The following NXF1 variants were observed in gnomAD, a reference collection of about 807,000 sequenced individuals.
The protein encoded by NXF1 is nuclear RNA export factor 1, also known as mRNA export factor TAP.
A neutral mutation model predicts 92.4 loss-of-function variants in NXF1; 43 were observed. The ratio of observed to expected loss-of-function variants is 0.47; its 90% CI spans 0.36 to 0.60. The LOEUF is 0.60. Among genes scored for constraint, NXF1 ranks in the 20% least tolerant of loss-of-function variants. The pLI, the probability that NXF1 is intolerant of heterozygous loss-of-function variation, is 0.00. For synonymous variants in NXF1, 288 were observed against 292.2 expected (o/e 0.99, Z 0.15); for missense variants, 576 against 793.0 (o/e 0.73, Z 3.29).
At chr11:62,804,800 G>T (rs1005965400) in intron 1 of NXF1, among the ~76,000 whole-genome samples, 1 of 152,120 alleles carries the variant, frequency 6.6e-6, no homozygotes, top group Non-Finnish European at 1.5e-5. Context: ...CCACATTAAG[G>T]GGGTGGAAAA....
intron 3 of NXF1, among the ~76,000 whole-genome samples, chr11:62,803,124 G>T (rs776700782): frequency 6.6e-5 from 10 of 152,064 alleles, no homozygotes; most frequent in Non-Finnish European, 1.2e-4. Context: ...TTCGAGACCA[G>T]CCTGGCCAAT....
chr11:62,796,983 C>G (rs2084427483), intron 13 of NXF1, 200 bp downstream of exon 13: 2 of 588,854 alleles, frequency 3.4e-6, no homozygotes, highest in Admixed American at 6.0e-5. Flanking sequence ...AGGAGAATCA[C>G]TTGAACCCTG....
chr11:62,803,397 T>G, intron 3 of NXF1, 22 bp downstream of exon 3: 1 of 1,610,164 alleles, frequency 6.2e-7, no homozygotes, highest in Non-Finnish European at 8.5e-7. Context: ...TACTGTACCA[T>G]CTACTTTCTC....
intron 19 of NXF1, 115 bp from the exon 20 acceptor site, chr11:62,792,816 C>T: frequency 2.4e-6 from 2 of 819,018 alleles, no homozygotes; most frequent in Non-Finnish European, 4.1e-6. Flanking sequence ...CTTATACATC[C>T]TTGCACTATT....
Position 62,802,176 on chromosome 11 carries a change from C to G in NXF1, c.453+1G>C. On this transcript the variant is annotated splice_donor_variant, in intron 4 of 20. Transcript: ENST00000294172. LOFTEE classifies it high-confidence loss of function. Reference sequence around the variant, plus strand: ...AGCCAGCCACTCAGGCCTTGTCTTACCTCAATAGGGGTGAAGGGCACACTG... The same window carrying G: ...AGCCAGCCACTCAGGCCTTGTCTTAGCTCAATAGGGGTGAAGGGCACACTG... The G allele has an allele frequency of 6.2e-7, 1 of 1,614,150 alleles. No individual in the cohort carries two copies. Among genetic ancestry groups the G allele is most frequent in the Non-Finnish European group, 8.5e-7 (1 of 1,179,970 alleles).
intron 5 of NXF1, 61 bp from the exon 6 acceptor site, chr11:62,801,880 A>G: frequency 6.2e-7 from 1 of 1,601,112 alleles, no homozygotes; most frequent in Non-Finnish European, 8.6e-7. Context: ...CAAGAACAAG[A>G]CCCAGTCCCT....
intron 2 of NXF1, 104 bp downstream of exon 2, chr11:62,803,688 G>A (rs1203930018): frequency 2.6e-6 from 4 of 1,535,976 alleles, no homozygotes; most frequent in Non-Finnish European, 3.6e-6. Flanking sequence ...GCTAGTCCTG[G>A]CATTTCTCAC....
chr11:62,801,254 C>T (rs894917552), intron 8 of NXF1, 53 bp from the exon 9 acceptor site: 13 of 1,604,216 alleles, frequency 8.1e-6, no homozygotes, highest in East Asian at 4.5e-5. Flanking sequence ...GGATCAGAGA[C>T]GAATCTGCCC....
At chr11:62,804,145 G>C in intron 1 of NXF1, 167 bp from the exon 2 acceptor site, 4 of 1,542,944 alleles carry the variant, frequency 2.6e-6, no homozygotes, top group Non-Finnish European at 2.6e-6. Context: ...CCCTCTCTGT[G>C]GGAGGGCAGC....
At chr11:62,804,170 A>C in intron 1 of NXF1, 192 bp from the exon 2 acceptor site, 1 of 1,531,560 alleles carries the variant, frequency 6.5e-7, no homozygotes, top group East Asian at 2.5e-5. Flanking sequence ...GGGAAAAGTT[A>C]CTGGAAAACT....
Position 62,803,931 on chromosome 11 carries a change from G to A in NXF1, c.76C>T (p.Arg26Trp). The A allele has an allele frequency of 3.1e-6, 5 of 1,614,082 alleles. No homozygotes were observed. The highest frequency in any genetic ancestry group is 3.4e-6 in the Non-Finnish European group (4 of 1,180,022). The change falls in exon 2 of 21, where the codon CGG (arginine) becomes TGG (tryptophan). Residue 26 changes from arginine (R) to tryptophan (W), a missense_variant. This residue lies in a region of NXF1 where 151 missense variants were observed against 157.8 expected (regional missense o/e 0.96). Transcript: ENST00000294172. The stretch of plus-strand genomic sequence containing the variant: ...CCATATTTCCACCGGAAGGGACCCC[G>A]GCCTTTCTTCTTTCTTTGAGGGAAA... ...VNFPQRKKKG[R>W]GPFRWKYGEG... is the part of the protein sequence containing the mutation.
intron 14 of NXF1, 29 bp from the exon 15 acceptor site, chr11:62,796,374 G>A (rs1459591416): frequency 3.1e-6 from 5 of 1,613,802 alleles, no homozygotes; most frequent in Admixed American, 3.3e-5. Flanking sequence ...TGGACGTGGT[G>A]TTCAGAGCAG....
Position 62,801,815 on chromosome 11 carries a change from G to A in NXF1, c.563C>T (p.Ser188Phe). The A allele has an allele frequency of 6.2e-7, 1 of 1,613,306 alleles. No individual in the cohort carries two copies. The highest frequency in any genetic ancestry group is 8.5e-7 in the Non-Finnish European group (1 of 1,179,460). ...KILDRENRRI[S>F]IIINSSAPPH... ...TGGAGCAGAAGAGTTGATGATGATAGATATCTGGAGGGAAGACACAGAGGG... is the reference window on the plus strand; with the variant it reads ...TGGAGCAGAAGAGTTGATGATGATAAATATCTGGAGGGAAGACACAGAGGG... The change falls in exon 6 of 21, where the codon TCT (serine) becomes TTT (phenylalanine). Residue 188 changes from serine to phenylalanine, a missense_variant. Ser to Phe is a radical substitution (Grantham distance 155, BLOSUM62 -2). Transcript: ENST00000294172.
At position 62,805,366 on chromosome 11, in the gene NXF1, A is replaced by T; in HGVS notation, c.-10T>A. 2.5e-6 allele frequency: 4 copies of T among 1,611,408 alleles called. No individual in the cohort carries two copies. The highest frequency in any genetic ancestry group is 3.4e-6 in the Non-Finnish European group (4 of 1,178,858). On this transcript the variant is annotated 5_prime_UTR_variant, in exon 1 of 21. Transcript: ENST00000294172. ...TCCCCTCGTCCGCCATGCCACAGCG[A>T]AGATCAAGGGCGGGCTCAGGCGCTG...
At chr11:62,804,311 C>T (rs961068911) in intron 1 of NXF1, 2 of 884,664 alleles carry the variant, frequency 2.3e-6, no homozygotes, top group South Asian at 1.6e-5. Context: ...CCACTCAGTA[C>T]TTTGTCTATA....
intron 10 of NXF1, chr11:62,799,696 G>A (rs2084458096): frequency 7.1e-6 from 7 of 986,174 alleles, no homozygotes; most frequent in Non-Finnish European, 8.4e-6. Flanking sequence ...TGGCCTCCAC[G>A]CCCAGCACCT....
intron 19 of NXF1, 43 bp from the exon 20 acceptor site, chr11:62,792,744 T>TA: frequency 6.2e-7 from 1 of 1,601,818 alleles, no homozygotes; most frequent in Non-Finnish European, 8.5e-7. Context: ...CTCTGACTCG[T>TA]AAATGCCAGC....
intron 4 of NXF1, 52 bp from the exon 5 acceptor site, chr11:62,802,098 G>A (rs1054780569): frequency 1.5e-5 from 24 of 1,607,054 alleles, no homozygotes; most frequent in Non-Finnish European, 1.9e-5. Context: ...CCTTGGGGAG[G>A]GGCATTACGC....
chr11:62,798,299 A>G (rs2084441957), intron 11 of NXF1, among the ~76,000 whole-genome samples: 1 of 151,632 alleles, frequency 6.6e-6, no homozygotes, highest in Non-Finnish European at 1.5e-5. Flanking sequence ...GTGGTAGCAC[A>G]TGCCTGTAAT....
Sources: allele counts gnomAD v4.1 joint callset (sites outside exome capture counted in the v4.1 genomes callset), GRCh38; gene constraint gnomAD v4.1.1; regional missense constraint gnomAD v4.1.1; transcripts MANE v1.5; gene names NCBI Gene and HGNC (gene_info 2026-07-23, HGNC 2026-07-21).